Variants in OGN observed in about 807,000 individuals in gnomAD.
The protein encoded by OGN is mimecan.
Under a neutral mutation model 30.8 loss-of-function variants are expected in OGN, and 19 were observed. The ratio of observed to expected loss-of-function variants is 0.62; its 90% CI spans 0.43 to 0.90. The LOEUF (loss-of-function observed/expected upper bound fraction) is 0.90, where lower values mean the gene tolerates loss of function less well. OGN is among the 40% of genes least tolerant of loss of function. The pLI is 0.00. For synonymous variants in OGN, 126 were observed against 128.3 expected, an observed-to-expected ratio of 0.98 and a Z score of 0.12; for missense variants, 283 against 349.7, an observed-to-expected ratio of 0.81 and a Z score of 1.52.
At chr9:92,392,385 A>G (rs1842720670) in intron 4 of OGN, among the ~76,000 whole-genome samples, 2 of 152,150 alleles carry the variant, frequency 1.3e-5, no homozygotes, top group Admixed American at 6.5e-5. Flanking sequence ...GCACTTTGGG[A>G]GGCCGAGGCG....
Position 92,385,483 on chromosome 9 carries a change from T to A in OGN, c.*137A>T, listed in dbSNP as rs976072678. ...CTTATTATATGTAAGATTTTGAACATCCTTGCTTAAAATATTAAATTCCTT... is the reference window on the plus strand; with the variant it reads ...CTTATTATATGTAAGATTTTGAACAACCTTGCTTAAAATATTAAATTCCTT... On this transcript the variant is annotated 3_prime_UTR_variant, in exon 7 of 7. Transcript: ENST00000375561. 3 of 735,100 alleles carry A rather than the reference T, an allele frequency of 4.1e-6. No homozygotes were observed. The highest frequency in any genetic ancestry group is 3.6e-5 in the African/African-American group (2 of 55,882). 45.5% of individuals were successfully genotyped at this position (735,100 alleles called of 1,614,324 possible).
Position 92,393,069 on chromosome 9 carries a change from A to G in OGN, c.427+17T>C. The G allele has an allele frequency of 6.2e-7, 1 of 1,606,366 alleles. No homozygotes were observed. Among genetic ancestry groups the G allele is most frequent in the Non-Finnish European group, 8.5e-7 (1 of 1,174,526 alleles). The stretch of plus-strand genomic sequence containing the variant: ...TAATACGAGTTAATACTAATATCAT[A>G]TTTCAGCTTAACTTACGTATGTCTG... On this transcript the variant is annotated intron_variant, in intron 4 of 6. Coordinates refer to ENST00000375561, the MANE Select transcript of OGN (RefSeq NM_014057.5).
chr9:92,386,575 T>C (rs576465551), intron 5 of OGN, among the ~76,000 whole-genome samples: 44 of 152,290 alleles, frequency 2.9e-4, no homozygotes, highest in African/African-American at 9.9e-4. Context: ...TATCCGGCTC[T>C]AATGCCAACT....
intron 3 of OGN, among the ~76,000 whole-genome samples, chr9:92,395,956 A>C (rs1317435547): frequency 6.6e-6 from 1 of 151,336 alleles, no homozygotes; most frequent in Non-Finnish European, 1.5e-5. Context: ...CCAAGATTTG[A>C]CACTTTGTTT....
At chr9:92,392,628 G>C (rs898762581) in intron 4 of OGN, among the ~76,000 whole-genome samples, 1 of 151,030 alleles carries the variant, frequency 6.6e-6, no homozygotes, top group Non-Finnish European at 1.5e-5. Context: ...TTGGGGGGAG[G>C]GGGGAGAAAA....
At chr9:92,401,884 G>A (rs1843128316) in intron 2 of OGN, among the ~76,000 whole-genome samples, 2 of 152,048 alleles carry the variant, frequency 1.3e-5, no homozygotes, top group South Asian at 4.2e-4. Flanking sequence ...TCTGTCCTTT[G>A]TAAGCATGTT....
chr9:92,389,082 A>C (rs1162023310), intron 5 of OGN, among the ~76,000 whole-genome samples: 1 of 152,134 alleles, frequency 6.6e-6, no homozygotes, highest in Admixed American at 6.5e-5. Context: ...GATAATGAAT[A>C]TTTGATAGTT....
At chr9:92,402,021 C>G (rs1425888029) in intron 2 of OGN, among the ~76,000 whole-genome samples, 1 of 152,000 alleles carries the variant, frequency 6.6e-6, no homozygotes, top group Non-Finnish European at 1.5e-5. Context: ...CTACTCCACT[C>G]CACAAATATC....
chr9:92,386,416 A>C, intron 5 of OGN, 120 bp from the exon 6 acceptor site: 1 of 635,682 alleles, frequency 1.6e-6, no homozygotes, highest in East Asian at 2.8e-5. Context: ...TATTGATATG[A>C]ATACATCAAT....
At chr9:92,389,541 G>T (rs185760149) in intron 5 of OGN, 1 of 187,370 alleles carries the variant, frequency 5.3e-6, no homozygotes, top group African/African-American at 2.3e-5. Context: ...TTGAGCTTTC[G>T]TAGACTGTAA....
In OGN at chr9:92,403,423, G is replaced by A; in HGVS notation, c.-16C>T. On this transcript the variant is annotated 5_prime_UTR_variant, in exon 2 of 7. Transcript: ENST00000375561. ...GAGTCTTCATTTTAGCAAAAATCAA[G>A]GTGACTGGAAGTTAATAAACTAGTG... The A allele has an allele frequency of 6.3e-7, 1 of 1,590,324 alleles. No individual in the cohort carries two copies. The highest frequency in any genetic ancestry group is 8.5e-7 in the Non-Finnish European group (1 of 1,170,230).
At chr9:92,395,603 G>T (rs1203487483) in intron 3 of OGN, among the ~76,000 whole-genome samples, 1 of 152,128 alleles carries the variant, frequency 6.6e-6, no homozygotes, top group Admixed American at 6.6e-5. Context: ...TTTTCCAAAG[G>T]ACTGTGCCAT....
At chr9:92,403,797 G>T (rs1843216296) in intron 1 of OGN, 2 of 490,624 alleles carry the variant, frequency 4.1e-6, no homozygotes, top group Non-Finnish European at 2.6e-6. Context: ...AAAGTCCCAA[G>T]ATCCTGTCTC....
chr9:92,391,737 A>T (rs1489414772), intron 4 of OGN, among the ~76,000 whole-genome samples: 1 of 152,224 alleles, frequency 6.6e-6, no homozygotes, highest in Non-Finnish European at 1.5e-5. Context: ...GAACCAGAAG[A>T]CAGTGTTACC....
At chr9:92,395,364 A>G (rs1842852200) in intron 3 of OGN, among the ~76,000 whole-genome samples, 1 of 152,134 alleles carries the variant, frequency 6.6e-6, no homozygotes, top group African/African-American at 2.4e-5. Context: ...TCAGTAGTTC[A>G]TTCTTCTTTA....
Position 92,390,074 on chromosome 9 carries a change from T to TA in OGN, c.428-19dup, listed in dbSNP as rs772165104. On this transcript the variant is annotated intron_variant, in intron 4 of 6. Coordinates refer to ENST00000375561, the MANE Select transcript of OGN (RefSeq NM_014057.5). ...TAAGTTAGCTAGAGGGAAAAAAATA[T>TA]AAAAAACAACTACGTAAGTAAAATT... 4.2e-6 allele frequency: 6 copies of TA among 1,414,424 alleles called. No homozygotes were observed. Among genetic ancestry groups the TA allele is most frequent in the East Asian group, 2.3e-5 (1 of 43,756 alleles). 87.6% of individuals were successfully genotyped at this position (1,414,424 alleles called of 1,614,324 possible). A position where few individuals can be genotyped will look rare whatever the true frequency, so the allele number is the denominator to read the frequency against.
intron 4 of OGN, among the ~76,000 whole-genome samples, chr9:92,391,788 A>T (rs1168893759): frequency 2.0e-5 from 3 of 152,204 alleles, no homozygotes; most frequent in African/African-American, 7.2e-5. Flanking sequence ...CAAGTAATTC[A>T]AATTTTTTGC....
chr9:92,387,362 C>T (rs538914709), intron 5 of OGN, among the ~76,000 whole-genome samples: 22 of 149,080 alleles, frequency 1.5e-4, no homozygotes, highest in Non-Finnish European at 2.8e-4. Flanking sequence ...GGCCACAGAA[C>T]GAGACTCCAT....
chr9:92,395,531 A>G (rs1842860091), intron 3 of OGN, among the ~76,000 whole-genome samples: 2 of 152,160 alleles, frequency 1.3e-5, no homozygotes, highest in African/African-American at 4.8e-5. Context: ...GTACCTAAGG[A>G]GTGGAATGGC....
Sources: gnomAD v4.1 joint callset for allele counts (sites outside exome capture counted in the v4.1 genomes callset) on GRCh38, gnomAD v4.1.1 for gene constraint, MANE v1.5 for transcripts, NCBI Gene and HGNC (gene_info 2026-07-23, HGNC 2026-07-21) for gene names.